The following LARS2 variants were observed in gnomAD, a reference collection of about 807,000 sequenced individuals.
LARS2 encodes leucine--tRNA ligase, mitochondrial.
Under a neutral mutation model 116.6 loss-of-function variants are expected in LARS2, and 81 were observed. The ratio of observed to expected loss-of-function variants is 0.69; its 90% confidence interval spans 0.58 to 0.84. The LOEUF is 0.84. LARS2 is among the 40% of genes least tolerant of loss of function. The pLI is 0.00. For synonymous variants in LARS2, 396 were observed against 407.2 expected (o/e 0.97, Z 0.33); for missense variants, 968 against 1,114.5 (o/e 0.87, Z 1.87).
At chr3:45,526,626 T>C (rs979811046) in intron 20 of LARS2, among the ~76,000 whole-genome samples, 16 of 151,984 alleles carry the variant, frequency 1.1e-4, no homozygotes, top group Non-Finnish European at 4.4e-5. Context: ...GAGAAGTCAT[T>C]ATGAGATTTT....
chr3:45,540,752 CTAT>C (rs1700781215), intron 20 of LARS2, among the ~76,000 whole-genome samples: 2 of 116,868 alleles, frequency 1.7e-5, no homozygotes, highest in African/African-American at 6.3e-5. Context: ...ATCTGTCTAT[CTAT>C]CTATCTATCT....
chr3:45,389,481 C>T (rs1482779846), intron 1 of LARS2, among the ~76,000 whole-genome samples: 1 of 152,176 alleles, frequency 6.6e-6, no homozygotes. Context: ...AGAAGGAAGG[C>T]GGTCTTGGGA....
intron 6 of LARS2, among the ~76,000 whole-genome samples, chr3:45,432,557 A>C (rs553900399): frequency 1.3e-5 from 2 of 152,288 alleles, no homozygotes; most frequent in African/African-American, 4.8e-5. Context: ...TGGATTAAAA[A>C]ATCACAAGGG....
At chr3:45,397,233 CAG>C (rs1470505442) in intron 3 of LARS2, among the ~76,000 whole-genome samples, 37 of 152,242 alleles carry the variant, frequency 2.4e-4, no homozygotes, top group Middle Eastern at 3.4e-3. Flanking sequence ...TCAATTATAA[CAG>C]AAACTCCCAT....
intron 18 of LARS2, 72 bp downstream of exon 18, chr3:45,518,144 T>C: frequency 8.1e-7 from 1 of 1,230,936 alleles, no homozygotes; most frequent in Non-Finnish European, 1.1e-6. Context: ...CCTGTGGTCT[T>C]TGCTGCCCTC....
chr3:45,399,645 T>C (rs1698109909), intron 3 of LARS2, among the ~76,000 whole-genome samples: 1 of 152,150 alleles, frequency 6.6e-6, no homozygotes, highest in African/African-American at 2.4e-5. Context: ...TTTCTTTCTT[T>C]TTTTTTTCCA....
chr3:45,455,137 T>A (rs930550845), intron 7 of LARS2, among the ~76,000 whole-genome samples: 2 of 152,026 alleles, frequency 1.3e-5, no homozygotes, highest in African/African-American at 4.8e-5. Context: ...TTTTTTTTTT[T>A]TTGTCTTTCA....
chr3:45,396,743 C>G (rs1698053444), intron 3 of LARS2, among the ~76,000 whole-genome samples: 1 of 152,162 alleles, frequency 6.6e-6, no homozygotes, highest in Admixed American at 6.6e-5. Flanking sequence ...TATTATTATC[C>G]TCATTTTTGG....
At chr3:45,487,683 A>G (rs1057371501) in intron 11 of LARS2, among the ~76,000 whole-genome samples, 3 of 152,106 alleles carry the variant, frequency 2.0e-5, no homozygotes, top group Admixed American at 6.6e-5. Flanking sequence ...ACATCCTGCA[A>G]TGCAAAAGAC....
intron 8 of LARS2, among the ~76,000 whole-genome samples, chr3:45,459,526 GC>G (rs1196139295): frequency 6.6e-6 from 1 of 152,232 alleles, no homozygotes; most frequent in Admixed American, 6.5e-5. Context: ...GTTGGACCAA[GC>G]AGTCTTTAAG....
At position 45,500,532 on chromosome 3, in the gene LARS2, A is replaced by G. The variant is rs570864907; in HGVS notation, c.1713A>G (p.Ala571=). 6.4e-6 allele frequency: 10 copies of G among 1,574,744 alleles called. No homozygotes were observed. The East Asian group carries it at 1.7e-4, about 26-fold the overall frequency. ...ATGCCGTCATGCACTTGTTCTATGC[A>G]AGATTCTTTAGTCATTTTTGCCATG... The part of the protein sequence containing the change: ...KEHAVMHLFY[A]RFFSHFCHDQ... The change falls in exon 15 of 22, where the codon GCA becomes GCG. Residue 571 remains alanine, a synonymous_variant. Coordinates refer to ENST00000645846, the MANE Select transcript of LARS2 (RefSeq NM_015340.4).
Position 45,425,694 on chromosome 3 carries a change from T to C in LARS2, c.516+5965T>C, listed in dbSNP as rs549502054. 1.2e-3 allele frequency among the ~76,000 whole-genome samples: 187 copies of C among 152,352 alleles called. 1 individual carries two copies. Among genetic ancestry groups the C allele is most frequent in the Non-Finnish European group, 1.9e-3 (132 of 68,044 alleles). On this transcript the variant is annotated intron_variant, in intron 6 of 21. Coordinates refer to ENST00000645846, the MANE Select transcript of LARS2 (RefSeq NM_015340.4). Reference sequence around the variant, plus strand: ...TCTATTTGTCTTTCTCTCCATCATGTAATTTTCATCTGTAAAGAATCTGTT... The same window carrying C: ...TCTATTTGTCTTTCTCTCCATCATGCAATTTTCATCTGTAAAGAATCTGTT...
intron 6 of LARS2, among the ~76,000 whole-genome samples, chr3:45,430,544 T>G (rs572917142): frequency 6.8e-6 from 1 of 147,306 alleles, no homozygotes; most frequent in African/African-American, 2.5e-5. Context: ...CCTCCCAAAG[T>G]GCTAGGATTA....
At position 45,458,844 on chromosome 3, in the gene LARS2, G is replaced by A. The variant is rs754938440; in HGVS notation, c.708G>A (p.Lys236=). ...SWRSGAKVEQ[K]YLRQWFIKTT... ...GTTCTGGAGCAAAGGTGGAACAGAA[G>A]TACCTCAGACAATGGTTTATTAAGA... The change falls in exon 8 of 22, where the codon AAG becomes AAA. Residue 236 remains lysine (K), a synonymous_variant. Coordinates refer to ENST00000645846, the MANE Select transcript of LARS2 (RefSeq NM_015340.4). 5 of 1,614,110 alleles carry A rather than the reference G, an allele frequency of 3.1e-6. No individual in the cohort carries two copies. In the East Asian group the frequency reaches 6.7e-5, roughly 22 times the overall value.
intron 21 of LARS2, among the ~76,000 whole-genome samples, chr3:45,544,741 G>A (rs763724969): frequency 3.9e-5 from 6 of 152,212 alleles, no homozygotes; most frequent in Non-Finnish European, 8.8e-5. Flanking sequence ...TAGCATCAGC[G>A]TTGCCACTTC....
At position 45,428,415 on chromosome 3, in the gene LARS2, T is replaced by C. The variant is rs893658719; in HGVS notation, c.516+8686T>C. Among the ~76,000 whole-genome samples the C allele has an allele frequency of 6.6e-5, 10 of 151,894 alleles. No homozygotes were observed. The East Asian group carries it at 1.9e-3, about 29-fold the overall frequency. ...CCTGCCACCACACCCGGATAATTTT[T>C]TTTATATTTTTAGTAGAGACAGGGT... On this transcript the variant is annotated intron_variant, in intron 6 of 21. Transcript: ENST00000645846.
chr3:45,484,336 T>G (rs1351212495), intron 10 of LARS2, among the ~76,000 whole-genome samples: 1 of 151,502 alleles, frequency 6.6e-6, no homozygotes, highest in Non-Finnish European at 1.5e-5. Context: ...AACTCACTAA[T>G]TGTCTACCAT....
At chr3:45,429,348 A>G (rs1698652660) in intron 6 of LARS2, among the ~76,000 whole-genome samples, 1 of 152,150 alleles carries the variant, frequency 6.6e-6, no homozygotes, top group Non-Finnish European at 1.5e-5. Flanking sequence ...GGTTGAATTC[A>G]CTTCCTTGGC....
intron 15 of LARS2, among the ~76,000 whole-genome samples, chr3:45,504,387 C>T (rs566791997): frequency 3.3e-5 from 5 of 152,120 alleles, no homozygotes; most frequent in Non-Finnish European, 7.4e-5. Context: ...ACTTAACCCT[C>T]GGACCAGATG....
Sources: gnomAD v4.1 joint callset for allele counts (sites outside exome capture counted in the v4.1 genomes callset) on GRCh38, gnomAD v4.1.1 for gene constraint, MANE v1.5 for transcripts, NCBI Gene and HGNC (gene_info 2026-07-23, HGNC 2026-07-21) for gene names.